SETD1B: variants seen among roughly 807,000 people sequenced by gnomAD.
SETD1B encodes the protein histone-lysine N-methyltransferase SETD1B.
SETD1B carries 7 observed loss-of-function variants against 148.0 expected under a neutral mutation model. The ratio of observed to expected loss-of-function variants is 0.05; its 90% CI spans 0.03 to 0.09. The LOEUF is 0.09. Among genes scored for constraint, SETD1B ranks in the 10% least tolerant of loss-of-function variants. The pLI, the probability that SETD1B is intolerant of heterozygous loss-of-function variation, is 1.00. For missense variants in SETD1B, 2,155 were observed against 2,729.9 expected, an observed-to-expected ratio of 0.79 and a Z score of 4.69; for synonymous variants, 1,361 against 1,186.5, an observed-to-expected ratio of 1.15 and a Z score of -3.02.
Position 121,817,261 on chromosome 12 carries a change from C to A in SETD1B, c.2944C>A (p.Arg982=). ...TTSSGDQKRL[R]PSTSVDEEDE... ...CTCATCTGGCGACCAGAAGCGGCTG[C>A]GGCCCTCGACCTCTGTGGATGAGGA... The change falls in exon 8 of 17, where the codon CGG becomes AGG. Residue 982 remains arginine, a synonymous_variant. Transcript: ENST00000604567. This position sits in a 1 kb window ranked among gnomAD's most constrained non-coding sequence, Gnocchi z 8.1. 1 of 1,550,878 alleles carries A rather than the reference C, an allele frequency of 6.4e-7. No individual in the cohort carries two copies. Among genetic ancestry groups the A allele is most frequent in the Non-Finnish European group, 8.7e-7 (1 of 1,146,914 alleles).
the SETD1B span, among the ~76,000 whole-genome samples, chr12:121,792,647 A>G: frequency 6.6e-6 from 1 of 152,224 alleles, no homozygotes; most frequent in African/African-American, 2.4e-5. Flanking sequence ...CAGAACTCGC[A>G]TCCACAGGAC....
intron 4 of SETD1B, among the ~76,000 whole-genome samples, chr12:121,806,767 C>T (rs1476526660): frequency 6.6e-6 from 1 of 152,238 alleles, no homozygotes; most frequent in African/African-American, 2.4e-5. Flanking sequence ...AGCACCTCCC[C>T]TGCTCTGGAA....
chr12:121,791,434 C>G, the SETD1B span, among the ~76,000 whole-genome samples: 1 of 152,160 alleles, frequency 6.6e-6, no homozygotes, highest in Non-Finnish European at 1.5e-5. Flanking sequence ...CCCAATGATA[C>G]GTAGCCAATA....
At chr12:121,792,871 G>A in the SETD1B span, among the ~76,000 whole-genome samples, 1 of 152,268 alleles carries the variant, frequency 6.6e-6, no homozygotes, top group South Asian at 2.1e-4. Flanking sequence ...GCAGCCCACT[G>A]CTTTCTAGAA....
chr12:121,822,406 T>A (rs1388070721), intron 11 of SETD1B, 84 bp from the exon 12 acceptor site: 11 of 1,449,278 alleles, frequency 7.6e-6, no homozygotes, highest in African/African-American at 1.4e-5. Flanking sequence ...GCTGTGAGCC[T>A]GCCAGGTATG....
chr12:121,793,147 C>T, the SETD1B span: 2 of 1,549,470 alleles, frequency 1.3e-6, no homozygotes, highest in Non-Finnish European at 1.7e-6. Flanking sequence ...CGCAGGCGCA[C>T]TCACCGGCCG....
chr12:121,818,019 T>C, intron 10 of SETD1B, 115 bp downstream of exon 10: 1 of 1,080,248 alleles, frequency 9.3e-7, no homozygotes, highest in Non-Finnish European at 1.3e-6. Flanking sequence ...TTTGAGACGT[T>C]ACCTTGTTAA....
intron 16 of SETD1B, among the ~76,000 whole-genome samples, chr12:121,829,222 T>G (rs961948136): frequency 7.2e-5 from 11 of 152,056 alleles, no homozygotes; most frequent in African/African-American, 2.4e-4. Context: ...AACGTTTCCC[T>G]GGCTGCTGGG....
intron 6 of SETD1B, among the ~76,000 whole-genome samples, chr12:121,813,714 C>G (rs534654832): frequency 1.3e-5 from 2 of 152,170 alleles, no homozygotes. Context: ...GTGCCCCACC[C>G]GTCTCCCTGC....
the SETD1B span, chr12:121,797,949 G>GGACCCAGCACGGCTCATCGGGGATTGAA: frequency 3.3e-6 from 1 of 301,474 alleles, no homozygotes; most frequent in African/African-American, 2.2e-5. Context: ...CAAAGGAGCT[G>GGACCCAGCACGGCTCATCGGGGATTGAA]GACCCAGCAC....
Position 121,809,956 on chromosome 12 carries a change from T to C in SETD1B, c.1011T>C (p.Thr337=). 1.9e-6 allele frequency: 3 copies of C among 1,551,038 alleles called. No homozygotes were observed. Among genetic ancestry groups the C allele is most frequent in the East Asian group, 2.4e-5 (1 of 40,918 alleles). ...HHYVHNSPAV[T]AVAGATAAFR... ...ATGTACACAATTCTCCCGCGGTCAC[T>C]GCGGTGGCCGGGGCCACAGCCGCTT... The change falls in exon 6 of 17, where the codon ACT becomes ACC. Residue 337 remains threonine (T), a synonymous_variant. Transcript: ENST00000604567.
intron 10 of SETD1B, among the ~76,000 whole-genome samples, chr12:121,818,415 T>C (rs1876402276): frequency 6.6e-6 from 1 of 150,504 alleles, no homozygotes; most frequent in African/African-American, 2.5e-5. Flanking sequence ...ATGCAAAAAA[T>C]AGCCAGGCGT....
rs1332073303 is a variant in SETD1B at position 121,810,421 on chromosome 12, A to G, written c.1476A>G (p.Pro492=). ...TPTLESSPAG[P]EKPHDSLDSR... ...CGCTGGAGTCGTCCCCTGCAGGGCC[A>G]GAGAAACCCCACGACAGCCTGGACT... The change falls in exon 6 of 17, where the codon CCA becomes CCG. Residue 492 remains proline (P), a synonymous_variant. Transcript: ENST00000604567. This position sits in a 1 kb window ranked among gnomAD's most constrained non-coding sequence, Gnocchi z 7.6. The G allele has an allele frequency of 2.6e-6, 4 of 1,548,964 alleles. No individual in the cohort carries two copies. The highest frequency in any genetic ancestry group is 3.5e-6 in the Non-Finnish European group (4 of 1,146,850).
chr12:121,800,757 G>A (rs1875305489), upstream of SETD1B: 1 of 148,290 alleles, frequency 6.7e-6, no homozygotes, highest in South Asian at 2.1e-4. Context: ...CGGGAGGCGC[G>A]GCGCGCGACG....
chr12:121,818,438 C>A (rs559445818), intron 10 of SETD1B, among the ~76,000 whole-genome samples: 1 of 151,998 alleles, frequency 6.6e-6, no homozygotes, highest in South Asian at 2.1e-4. Context: ...TGGTGGGCAC[C>A]TGTAATCCCA....
the SETD1B span, chr12:121,793,337 GC>G: frequency 1.8e-5 from 26 of 1,434,264 alleles, no homozygotes; most frequent in Admixed American, 4.0e-5. Flanking sequence ...TCCCGGATCA[GC>G]CCCCCCTCAC....
chr12:121,826,590 G>T (rs149378449), intron 13 of SETD1B, among the ~76,000 whole-genome samples: 1 of 152,076 alleles, frequency 6.6e-6, no homozygotes, highest in Admixed American at 6.5e-5. Flanking sequence ...GGGTACTGTG[G>T]TGGTAAGTGA....
upstream of SETD1B, chr12:121,799,736 T>TGGGG (rs1459030938): frequency 3.2e-5 from 1 of 30,956 alleles, no homozygotes; most frequent in Non-Finnish European, 6.9e-5. Context: ...GGGGGTGGGG[T>TGGGG]GGGGCGGGGC....
chr12:121,790,244 C>T, the SETD1B span, among the ~76,000 whole-genome samples: 1 of 152,266 alleles, frequency 6.6e-6, no homozygotes, highest in Non-Finnish European at 1.5e-5. Context: ...AATTCAGCCT[C>T]TGAGAGCCAC....
Sources: allele counts gnomAD v4.1 joint callset (sites outside exome capture counted in the v4.1 genomes callset), GRCh38; gene constraint gnomAD v4.1.1; non-coding constraint Gnocchi (gnomAD v3.1); transcripts MANE v1.5; gene names NCBI Gene and HGNC (gene_info 2026-07-23, HGNC 2026-07-21).